NEBL: variants seen among roughly 807,000 people sequenced by gnomAD.
NEBL encodes the protein LIM and SH3 protein 2.
A neutral mutation model predicts 140.2 loss-of-function variants in NEBL; 122 were observed. The observed-to-expected ratio is 0.87, with a 90% CI of 0.75 to 1.01. The LOEUF is 1.01. NEBL is among the 50% of genes least tolerant of loss of function. The pLI is 0.00. For missense variants in NEBL, 1,365 were observed against 1,231.3 expected, an observed-to-expected ratio of 1.11 and a Z score of -1.62; for synonymous variants, 436 against 398.9, an observed-to-expected ratio of 1.09 and a Z score of -1.11.
At chr10:20,812,641 C>T in intron 24 of NEBL, 128 bp downstream of exon 24, 2 of 1,125,578 alleles carry the variant, frequency 1.8e-6, no homozygotes, top group Non-Finnish European at 1.3e-6. Context: ...ACCTGCGGTC[C>T]ATTTTAAATT....
At chr10:21,089,868 A>G (rs1006907466) in intron 2 of NEBL, among the ~76,000 whole-genome samples, 6 of 152,184 alleles carry the variant, frequency 3.9e-5, no homozygotes, top group African/African-American at 1.4e-4. Flanking sequence ...CCATAGTTCC[A>G]ATATTCAAAA....
intron 2 of NEBL, chr10:21,029,945 A>G: frequency 1.8e-6 from 1 of 568,788 alleles, no homozygotes; most frequent in South Asian, 1.8e-5. Context: ...TCCAGAGATG[A>G]TTTCTCTCGG....
intron 2 of NEBL, among the ~76,000 whole-genome samples, chr10:21,037,931 G>C (rs1245423618): frequency 1.3e-5 from 2 of 152,024 alleles, no homozygotes; most frequent in Non-Finnish European, 2.9e-5. Context: ...CACCTCTGAA[G>C]AACAAACTAA....
In NEBL at chr10:20,912,247, G is replaced by A. The variant is rs1588999052; in HGVS notation, c.357+49425C>T. ...ATGTCTCAGAGGAATGCTCACAGACGTGGCTTGCAAGAAAAGCAAGTCAAT... is the reference window on the plus strand; with the variant it reads ...ATGTCTCAGAGGAATGCTCACAGACATGGCTTGCAAGAAAAGCAAGTCAAT... On this transcript the variant is annotated intron_variant, in intron 4 of 6. Coordinates refer to the NEBL transcript ENST00000417816. Among the ~76,000 whole-genome samples the A allele has an allele frequency of 2.6e-5, 4 of 152,292 alleles. No individual in the cohort carries two copies. In the East Asian group the frequency reaches 5.8e-4, roughly 22 times the overall value.
At chr10:20,934,607 G>A (rs1430807966) in intron 4 of NEBL, among the ~76,000 whole-genome samples, 1 of 152,152 alleles carries the variant, frequency 6.6e-6, no homozygotes, top group Non-Finnish European at 1.5e-5. Context: ...ATCCAGTGGA[G>A]AATGCCATGG....
At chr10:21,111,625 AC>A (rs1457085920) in intron 2 of NEBL, among the ~76,000 whole-genome samples, 2 of 150,974 alleles carry the variant, frequency 1.3e-5, no homozygotes, top group African/African-American at 4.9e-5. Context: ...TAGACCTGAA[AC>A]CATAAAAATC....
At position 21,241,463 on chromosome 10, in the gene NEBL, T is replaced by C. The variant is rs946983151; in HGVS notation, n.348+6458A>G. On this transcript the variant is annotated intron_variant and non_coding_transcript_variant, in intron 3 of 8. Coordinates refer to the NEBL transcript ENST00000675702. ...ATCTCTCCTACTTCAAGCATTCCCCTAGAGGGATGGTATGTTTTGCAATGA... is the reference window on the plus strand; with the variant it reads ...ATCTCTCCTACTTCAAGCATTCCCCCAGAGGGATGGTATGTTTTGCAATGA... 2.6e-5 allele frequency among the ~76,000 whole-genome samples: 4 copies of C among 152,174 alleles called. No homozygotes were observed. In the South Asian group the frequency reaches 8.3e-4, roughly 32 times the overall value.
chr10:21,117,970 G>A (rs918491773), intron 2 of NEBL, among the ~76,000 whole-genome samples: 1 of 152,062 alleles, frequency 6.6e-6, no homozygotes, highest in Non-Finnish European at 1.5e-5. Context: ...AGGTTTAACT[G>A]AGAAAATACA....
chr10:20,815,966 C>T (rs1838684366), intron 21 of NEBL: 2 of 448,746 alleles, frequency 4.5e-6, no homozygotes, highest in Non-Finnish European at 8.2e-6. Flanking sequence ...TTGAGTTTTG[C>T]CATGTTGTCC....
intron 3 of NEBL, among the ~76,000 whole-genome samples, chr10:21,237,883 G>C (rs1270411739): frequency 2.0e-5 from 3 of 152,100 alleles, no homozygotes; most frequent in Non-Finnish European, 2.9e-5. Flanking sequence ...CTGGGATTAC[G>C]AGCATGAGGC....
intron 1 of NEBL, among the ~76,000 whole-genome samples, chr10:21,257,621 C>T (rs1842675357): frequency 2.0e-5 from 3 of 152,180 alleles, no homozygotes; most frequent in South Asian, 2.1e-4. Context: ...CATGGTGGCT[C>T]ACGCCTGTAA....
In NEBL at chr10:21,018,359, G is replaced by A. The variant is rs78641926; in HGVS notation, c.249+1758C>T. Among the ~76,000 whole-genome samples, 908 of 152,254 alleles carry A rather than the reference G, an allele frequency of 6.0e-3. 8 individuals are homozygous for A. The highest frequency in any genetic ancestry group is 0.016 in the Admixed American group (251 of 15,282). ...TACCTGATGAACCCTAACTTGACGA[G>A]AAGAAAGGCACATTGGATATGCACA... On this transcript the variant is annotated intron_variant, in intron 3 of 6. Transcript: ENST00000417816.
intron 2 of NEBL, among the ~76,000 whole-genome samples, chr10:21,051,782 C>A (rs1185345311): frequency 6.6e-6 from 1 of 152,214 alleles, no homozygotes; most frequent in Admixed American, 6.5e-5. Flanking sequence ...TTTAAAACCA[C>A]TTTATTGAGA....
chr10:21,144,526 G>C (rs1839799873), intron 2 of NEBL, among the ~76,000 whole-genome samples: 1 of 152,154 alleles, frequency 6.6e-6, no homozygotes, highest in African/African-American at 2.4e-5. Context: ...AGGAGTTCAA[G>C]ACCAGCCTGG....
chr10:20,966,212 G>A (rs1261783697), intron 3 of NEBL, among the ~76,000 whole-genome samples: 1 of 152,174 alleles, frequency 6.6e-6, no homozygotes, highest in African/African-American at 2.4e-5. Context: ...GTGTCTGTGT[G>A]TATATGTTGC....
At chr10:20,976,978 T>C (rs530521408) in intron 3 of NEBL, among the ~76,000 whole-genome samples, 2 of 148,534 alleles carry the variant, frequency 1.3e-5, no homozygotes, top group South Asian at 2.1e-4. Context: ...CAAAGGAACA[T>C]AGCCAACCAA....
chr10:21,083,673 C>A (rs1440144819), intron 2 of NEBL, among the ~76,000 whole-genome samples: 1 of 152,040 alleles, frequency 6.6e-6, no homozygotes, highest in Non-Finnish European at 1.5e-5. Context: ...GGCAAAATCC[C>A]GTCTCTACTA....
At chr10:21,268,949 C>A (rs914479759) in intron 1 of NEBL, among the ~76,000 whole-genome samples, 2 of 151,810 alleles carry the variant, frequency 1.3e-5, no homozygotes, top group African/African-American at 4.8e-5. Context: ...GTGTATAATC[C>A]CTAGAGCATA....
intron 11 of NEBL, among the ~76,000 whole-genome samples, chr10:20,845,836 T>C (rs147014588): frequency 2.2e-3 from 338 of 152,290 alleles, no homozygotes; most frequent in African/African-American, 7.7e-3. Flanking sequence ...ATTTAGGAAA[T>C]ATCACTTCTA....
Sources: gnomAD v4.1 joint callset for allele counts (sites outside exome capture counted in the v4.1 genomes callset) on GRCh38, gnomAD v4.1.1 for gene constraint, MANE v1.5 for transcripts, NCBI Gene and HGNC (gene_info 2026-07-23, HGNC 2026-07-21) for gene names.